Variants in SLIT3 observed in about 807,000 individuals in gnomAD.
The protein encoded by SLIT3 is slit guidance ligand 3, also known as slit homolog 3 protein.
SLIT3 carries 68 observed loss-of-function variants against 184.0 expected under a neutral mutation model. The observed-to-expected ratio is 0.37, with a 90% confidence interval of 0.30 to 0.45. SLIT3 has a LOEUF of 0.45. Among genes scored for constraint, SLIT3 ranks in the 20% least tolerant of loss-of-function variants. The pLI is 1.00. For missense variants in SLIT3, 1,707 were observed against 2,026.0 expected (o/e 0.84, Z 3.02); for synonymous variants, 831 against 828.6 (o/e 1.00, Z -0.05).
At chr5:169,276,578 C>T (rs141166781) in intron 1 of SLIT3, among the ~76,000 whole-genome samples, 33 of 152,308 alleles carry the variant, frequency 2.2e-4, no homozygotes, top group Non-Finnish European at 4.1e-4. Flanking sequence ...CTTGCACTTA[C>T]CTGCAAGGAG....
In SLIT3 at chr5:169,300,724, C is replaced by A. The variant is rs1004352767; in HGVS notation, c.-15G>T. Reference sequence around the variant, plus strand: ...CCGGGGGCCATGGTGTGCAGGGCCCCGCTCCTGGAGGAGGCTGCCTCTGCG... The same window carrying A: ...CCGGGGGCCATGGTGTGCAGGGCCCAGCTCCTGGAGGAGGCTGCCTCTGCG... On this transcript the variant is annotated 5_prime_UTR_variant, in exon 1 of 36. Coordinates refer to ENST00000519560, the MANE Select transcript of SLIT3 (RefSeq NM_003062.4). The surrounding 1 kb of genome is among the most constrained non-coding windows in gnomAD (Gnocchi z 4.1). 14 of 1,311,248 alleles carry A rather than the reference C, an allele frequency of 1.1e-5. No individual in the cohort carries two copies. In the African/African-American group the frequency reaches 1.5e-4, roughly 15 times the overall value. The allele number at this position is 1,311,248 out of a possible 1,614,324, so 81.2% of individuals were successfully genotyped here.
chr5:168,726,537 AGGG>A (rs146733436), intron 20 of SLIT3, among the ~76,000 whole-genome samples: 1 of 116 alleles, frequency 8.6e-3, no homozygotes, highest in African/African-American at 0.022. Context: ...GGAGGGAGGG[AGGG>A]GAGGGAGGGA....
intron 5 of SLIT3, among the ~76,000 whole-genome samples, chr5:168,861,342 T>C (rs1215096241): frequency 6.6e-6 from 1 of 151,890 alleles, no homozygotes; most frequent in African/African-American, 2.4e-5. Context: ...TCTAGCTTGG[T>C]AAGTCTATGA....
chr5:169,245,559 C>G (rs938154694), intron 2 of SLIT3, among the ~76,000 whole-genome samples: 3 of 152,030 alleles, frequency 2.0e-5, no homozygotes, highest in Non-Finnish European at 2.9e-5. Context: ...TGACCTTAGG[C>G]TGGGAAATGA....
At chr5:169,096,468 T>C (rs990887720) in intron 4 of SLIT3, among the ~76,000 whole-genome samples, 1 of 152,248 alleles carries the variant, frequency 6.6e-6, no homozygotes, top group African/African-American at 2.4e-5. Flanking sequence ...TTTTCACAAC[T>C]ACTGGACTCT....
intron 3 of SLIT3, among the ~76,000 whole-genome samples, chr5:169,224,385 A>ATT (rs79007664): frequency 9.3e-5 from 6 of 64,856 alleles, no homozygotes; most frequent in South Asian, 3.4e-4. Flanking sequence ...TTATTTATTT[A>ATT]TTTTTTTTGA....
At position 169,083,252 on chromosome 5, in the gene SLIT3, G is replaced by A. The variant is rs188312368; in HGVS notation, c.413+110227C>T. 8.5e-5 allele frequency among the ~76,000 whole-genome samples: 13 copies of A among 152,238 alleles called. 1 individual carries two copies. The East Asian group carries it at 1.4e-3, about 16-fold the overall frequency. On this transcript the variant is annotated intron_variant, in intron 4 of 35. Transcript: ENST00000519560. ...CATTTGGAAATCTGGATACATGTGC[G>A]AATATACACACATGGGCAGAAGGAT...
At chr5:169,131,044 C>T (rs1464886199) in intron 4 of SLIT3, among the ~76,000 whole-genome samples, 1 of 152,136 alleles carries the variant, frequency 6.6e-6, no homozygotes, top group Admixed American at 6.5e-5. Context: ...GGGCAGAGTG[C>T]CCTTTGAGGC....
intron 8 of SLIT3, 24 bp downstream of exon 8, chr5:168,817,276 G>A: frequency 6.2e-7 from 1 of 1,612,042 alleles, no homozygotes; most frequent in Non-Finnish European, 8.5e-7. Flanking sequence ...GCACAGGAGG[G>A]GAGAGCAGGT....
chr5:169,143,827 A>ATG (rs1244689221), intron 4 of SLIT3, among the ~76,000 whole-genome samples: 1 of 152,162 alleles, frequency 6.6e-6, no homozygotes, highest in African/African-American at 2.4e-5. Context: ...ATGTATGCAC[A>ATG]TGTGTGTGTG....
intron 16 of SLIT3, among the ~76,000 whole-genome samples, chr5:168,760,108 C>T (rs749732959): frequency 1.3e-5 from 2 of 152,198 alleles, no homozygotes; most frequent in African/African-American, 4.8e-5. Context: ...TGAGCCCTGG[C>T]TTCCTCACCT....
At chr5:168,750,174 T>C (rs1754648665) in intron 18 of SLIT3, among the ~76,000 whole-genome samples, 1 of 152,058 alleles carries the variant, frequency 6.6e-6, no homozygotes, top group South Asian at 2.1e-4. Context: ...GAGGGTAGGG[T>C]CTGTTTGCCT....
Position 168,664,603 on chromosome 5 carries a change from C to G in SLIT3, c.*1851G>C, listed in dbSNP as rs1295098675. On this transcript the variant is annotated 3_prime_UTR_variant, in exon 36 of 36. Transcript: ENST00000519560. ...CATTATTCCCTGCGTCTTTGGCCCA[C>G]CATTGGTACTCACAGATCAACTAGG... is the stretch of plus-strand genomic sequence containing the variant. 6.6e-6 allele frequency: 1 copy of G among 152,166 alleles called. No homozygotes were observed. Among genetic ancestry groups the G allele is most frequent in the Non-Finnish European group, 1.5e-5 (1 of 68,046 alleles). The allele number at this position is 152,166 out of a possible 1,614,324, so 9.4% of individuals were successfully genotyped here.
chr5:168,812,067 C>T (rs541237617), intron 8 of SLIT3, among the ~76,000 whole-genome samples: 4 of 152,220 alleles, frequency 2.6e-5, no homozygotes, highest in East Asian at 1.9e-4. Context: ...TGGATGGAAC[C>T]GGAGGACGTT....
chr5:169,047,859 G>A (rs570667195), intron 4 of SLIT3, among the ~76,000 whole-genome samples: 10 of 152,120 alleles, frequency 6.6e-5, no homozygotes, highest in South Asian at 2.1e-4. Flanking sequence ...AAGATGCATC[G>A]TCATATCCTC....
chr5:169,027,451 G>T (rs1393737119), intron 4 of SLIT3, among the ~76,000 whole-genome samples: 8 of 152,110 alleles, frequency 5.3e-5, no homozygotes, highest in Admixed American at 2.0e-4. Context: ...CAGAAGTCTG[G>T]CCCACACTTC....
intron 4 of SLIT3, among the ~76,000 whole-genome samples, chr5:169,033,807 A>T (rs1285745504): frequency 2.9e-5 from 4 of 138,542 alleles, no homozygotes; most frequent in Non-Finnish European, 4.7e-5. Flanking sequence ...CCACTATTGT[A>T]TGATTTTTTT....
chr5:168,734,317 T>C (rs1425630897), intron 20 of SLIT3, among the ~76,000 whole-genome samples: 1 of 152,214 alleles, frequency 6.6e-6, no homozygotes, highest in Non-Finnish European at 1.5e-5. Context: ...GTTAGAGCCC[T>C]GCCTCCTGTC....
rs145138096 is a variant in SLIT3 at position 169,128,580 on chromosome 5, C to T, written c.413+64899G>A. 6.0e-4 allele frequency among the ~76,000 whole-genome samples: 91 copies of T among 152,208 alleles called. 1 individual carries two copies. Among genetic ancestry groups the T allele is most frequent in the African/African-American group, 2.1e-3 (87 of 41,530 alleles). On this transcript the variant is annotated intron_variant, in intron 4 of 35. Transcript: ENST00000519560. ...AGTAGTTGGGATTACAGGCTCCCAA[C>T]ACCACGCCTGGCTAATGTTTTTGTA...
Sources: gnomAD v4.1 joint callset for allele counts (sites outside exome capture counted in the v4.1 genomes callset) on GRCh38, gnomAD v4.1.1 for gene constraint, Gnocchi (gnomAD v3.1) non-coding constraint, MANE v1.5 for transcripts, NCBI Gene and HGNC (gene_info 2026-07-23, HGNC 2026-07-21) for gene names.